Variants in CNTLN observed in about 807,000 individuals in gnomAD.
CNTLN encodes centlein, centrosomal protein.
In CNTLN, 212 loss-of-function variants were observed where a neutral mutation model predicts 180.0. The observed-to-expected ratio is 1.18, with a 90% CI of 1.05 to 1.32. The LOEUF is 1.32. CNTLN is among the 40% of genes most tolerant of loss of function. The pLI, the probability that CNTLN is intolerant of heterozygous loss-of-function variation, is 0.00. For missense variants in CNTLN, 2,095 were observed against 1,610.9 expected (o/e 1.30, Z -5.14); for synonymous variants, 722 against 563.1 (o/e 1.28, Z -3.99).
intron 8 of CNTLN, among the ~76,000 whole-genome samples, chr9:17,327,285 C>T (rs1262322119): frequency 2.7e-5 from 2 of 74,464 alleles, no homozygotes; most frequent in African/African-American, 4.5e-5. Context: ...AATCTTGGGT[C>T]GCTGCAAACT....
chr9:17,459,222 T>C (rs1357781532), intron 19 of CNTLN, among the ~76,000 whole-genome samples: 1 of 151,938 alleles, frequency 6.6e-6, no homozygotes, highest in East Asian at 1.9e-4. Context: ...CTTATTTTAC[T>C]TACTACAAAT....
intron 2 of CNTLN, among the ~76,000 whole-genome samples, chr9:17,200,864 C>T (rs1159247856): frequency 1.3e-5 from 2 of 152,172 alleles, no homozygotes; most frequent in Admixed American, 6.6e-5. Context: ...TCTTCCAATA[C>T]TATGATAAAT....
chr9:17,497,889 TATATATGTATGTAAATAA>T (rs1833542397), intron 25 of CNTLN, among the ~76,000 whole-genome samples: 1 of 152,184 alleles, frequency 6.6e-6, no homozygotes, highest in African/African-American at 2.4e-5. Flanking sequence ...CTTGTATGTA[TATATATGTATGTAAATAA>T]ATGCATATAC....
At chr9:17,357,229 A>G (rs1290809263) in intron 12 of CNTLN, among the ~76,000 whole-genome samples, 2 of 151,744 alleles carry the variant, frequency 1.3e-5, no homozygotes, top group Non-Finnish European at 2.9e-5. Context: ...TTATGTATAT[A>G]CCACATTTTG....
At chr9:17,320,228 G>T (rs1463345785) in intron 8 of CNTLN, among the ~76,000 whole-genome samples, 2 of 152,040 alleles carry the variant, frequency 1.3e-5, no homozygotes, top group Admixed American at 1.3e-4. Context: ...CAATTGAAGA[G>T]AATTTTCTTT....
At chr9:17,410,341 T>A (rs914541130) in intron 16 of CNTLN, among the ~76,000 whole-genome samples, 2 of 152,198 alleles carry the variant, frequency 1.3e-5, no homozygotes, top group African/African-American at 4.8e-5. Flanking sequence ...ATTTGGAATT[T>A]TTTAGTAAAT....
chr9:17,227,414 A>C (rs1031442757), intron 3 of CNTLN, among the ~76,000 whole-genome samples: 1 of 152,064 alleles, frequency 6.6e-6, no homozygotes, highest in Admixed American at 6.6e-5. Context: ...AACAATTTTC[A>C]AGATACAAAC....
chr9:17,443,753 A>G (rs1830242900), intron 18 of CNTLN, among the ~76,000 whole-genome samples: 1 of 152,166 alleles, frequency 6.6e-6, no homozygotes, highest in African/African-American at 2.4e-5. Flanking sequence ...TAGCCCAGAG[A>G]AAGAATGCTG....
intron 2 of CNTLN, among the ~76,000 whole-genome samples, chr9:17,194,855 G>A (rs917708453): frequency 6.6e-5 from 10 of 152,286 alleles, no homozygotes; most frequent in South Asian, 2.1e-4. Flanking sequence ...GGCTGGGGAG[G>A]CCTCAGAATC....
At chr9:17,465,208 G>C (rs1211979046) in intron 21 of CNTLN, among the ~76,000 whole-genome samples, 1 of 149,790 alleles carries the variant, frequency 6.7e-6, no homozygotes, top group Non-Finnish European at 1.5e-5. Context: ...CCACACCTGA[G>C]AGAACATCTC....
intron 13 of CNTLN, among the ~76,000 whole-genome samples, chr9:17,378,796 G>C (rs1488547406): frequency 6.6e-6 from 1 of 152,196 alleles, no homozygotes; most frequent in Non-Finnish European, 1.5e-5. Context: ...TCAGCAGAGT[G>C]TGTTGGATCT....
chr9:17,333,056 C>T (rs1256666419), intron 10 of CNTLN, among the ~76,000 whole-genome samples: 1 of 151,988 alleles, frequency 6.6e-6, no homozygotes, highest in East Asian at 1.9e-4. Flanking sequence ...ATTTCTTCTT[C>T]TTTATATATG....
In CNTLN at chr9:17,135,276, G is replaced by T. The variant is rs1259640199; in HGVS notation, c.211G>T (p.Gly71Trp). The T allele has an allele frequency of 1.9e-6, 3 of 1,602,206 alleles. No individual in the cohort carries two copies. The highest frequency in any genetic ancestry group is 1.7e-5 in the Admixed American group (1 of 58,120). The change falls in exon 1 of 26, where the codon GGG becomes TGG. Residue 71 changes from glycine (G) to tryptophan (W), a missense_variant. By Grantham distance (184) the Gly-to-Trp change is radical. Coordinates refer to ENST00000380647, the MANE Select transcript of CNTLN (RefSeq NM_017738.4). Reference protein sequence around the residue: ...EGSGGRRGPGGAAPAHAPLLS... With the variant: ...EGSGGRRGPGWAAPAHAPLLS... ...GTCAGGGGGCCGGCGAGGGCCTGGGGGGGCAGCTCCGGCTCATGCTCCCCT... is the reference window on the plus strand; with the variant it reads ...GTCAGGGGGCCGGCGAGGGCCTGGGTGGGCAGCTCCGGCTCATGCTCCCCT...
intron 7 of CNTLN, chr9:17,302,105 C>G (rs1818405346): frequency 4.9e-6 from 4 of 819,854 alleles, no homozygotes; most frequent in East Asian, 1.5e-4. Flanking sequence ...CACACACACA[C>G]ACACACACAC....
At chr9:17,278,907 T>C (rs1182548646) in intron 6 of CNTLN, among the ~76,000 whole-genome samples, 2 of 152,126 alleles carry the variant, frequency 1.3e-5, no homozygotes, top group East Asian at 3.8e-4. Context: ...GGGACTATAT[T>C]GCACATGTTC....
chr9:17,177,540 T>G (rs1041366908), intron 2 of CNTLN, among the ~76,000 whole-genome samples: 2 of 152,194 alleles, frequency 1.3e-5, no homozygotes, highest in African/African-American at 4.8e-5. Flanking sequence ...AAAGGCGGTG[T>G]GTCCGAAGTT....
chr9:17,452,563 A>G (rs575010804), intron 18 of CNTLN, among the ~76,000 whole-genome samples: 4 of 152,296 alleles, frequency 2.6e-5, no homozygotes, highest in African/African-American at 7.2e-5. Flanking sequence ...AGCACTTACT[A>G]TAGTTTATTG....
intron 2 of CNTLN, among the ~76,000 whole-genome samples, chr9:17,211,337 G>C (rs184276028): frequency 1.6e-4 from 24 of 152,144 alleles, no homozygotes; most frequent in African/African-American, 5.1e-4. Flanking sequence ...TCTTGTTTTT[G>C]TCAGGTTTGT....
At chr9:17,193,053 T>G (rs1351230905) in intron 2 of CNTLN, among the ~76,000 whole-genome samples, 1 of 152,072 alleles carries the variant, frequency 6.6e-6, no homozygotes, top group Non-Finnish European at 1.5e-5. Context: ...TTGTGAGACA[T>G]TTTCACTACT....
Sources: allele counts gnomAD v4.1 joint callset (sites outside exome capture counted in the v4.1 genomes callset), GRCh38; gene constraint gnomAD v4.1.1; transcripts MANE v1.5; gene names NCBI Gene and HGNC (gene_info 2026-07-23, HGNC 2026-07-21).